KCNIP1: variants seen among roughly 807,000 people sequenced by gnomAD.
KCNIP1 encodes the protein A-type potassium channel modulatory protein KCNIP1.
In KCNIP1, 18 loss-of-function variants were observed where a neutral mutation model predicts 33.0. That is an observed-to-expected ratio of 0.55 (90% CI 0.38 to 0.81). The LOEUF is 0.81. Ranked by LOEUF, KCNIP1 falls within the 30% of genes least tolerant of loss-of-function variation. The pLI, the probability that KCNIP1 is intolerant of heterozygous loss-of-function variation, is 0.00. For synonymous variants in KCNIP1, 93 were observed against 98.3 expected, an observed-to-expected ratio of 0.95 and a Z score of 0.32; for missense variants, 238 against 271.6, an observed-to-expected ratio of 0.88 and a Z score of 0.87.
At chr5:170,396,066 C>T (rs1754754633) in intron 1 of KCNIP1, among the ~76,000 whole-genome samples, 1 of 152,210 alleles carries the variant, frequency 6.6e-6, no homozygotes, top group African/African-American at 2.4e-5. Flanking sequence ...CAATACACAT[C>T]AGGGCTTTTG....
At chr5:170,655,914 AT>A (rs1465044143) in intron 1 of KCNIP1, among the ~76,000 whole-genome samples, 7 of 152,326 alleles carry the variant, frequency 4.6e-5, no homozygotes, top group African/African-American at 1.7e-4. Context: ...AAATCTATGC[AT>A]AGGAGAAAGC....
chr5:170,414,107 T>C (rs1456715436), intron 1 of KCNIP1, among the ~76,000 whole-genome samples: 4 of 152,148 alleles, frequency 2.6e-5, no homozygotes, highest in African/African-American at 9.7e-5. Flanking sequence ...CAGAATTCTG[T>C]AAATCCAATC....
chr5:170,534,540 C>T (rs1390189626), intron 1 of KCNIP1, among the ~76,000 whole-genome samples: 1 of 151,950 alleles, frequency 6.6e-6, no homozygotes. Context: ...GGTGGCAGAG[C>T]TACAGAAGCA....
intron 5 of KCNIP1, among the ~76,000 whole-genome samples, chr5:170,731,830 G>A (rs185486238): frequency 7.2e-4 from 13 of 18,030 alleles, no homozygotes; most frequent in Non-Finnish European, 1.2e-3. Flanking sequence ...CTGAGATCCC[G>A]CCACTGCACT....
At chr5:170,556,923 C>T (rs1207982259) in intron 1 of KCNIP1, among the ~76,000 whole-genome samples, 3 of 152,234 alleles carry the variant, frequency 2.0e-5, no homozygotes, top group Admixed American at 6.5e-5. Context: ...TTAAAACTTT[C>T]CTGGGTAGGA....
chr5:170,519,800 A>G (rs1192490776), intron 1 of KCNIP1, among the ~76,000 whole-genome samples: 7 of 152,174 alleles, frequency 4.6e-5, no homozygotes, highest in Non-Finnish European at 1.0e-4. Context: ...TGTAGAGTGC[A>G]GACAGCGGCT....
At chr5:170,561,023 G>T (rs922355484) in intron 1 of KCNIP1, 1 of 446,284 alleles carries the variant, frequency 2.2e-6, no homozygotes, top group Non-Finnish European at 4.5e-6. Flanking sequence ...GAGGGCATCC[G>T]TGCCATCCAA....
At chr5:170,656,163 A>G (rs1427676068) in intron 1 of KCNIP1, among the ~76,000 whole-genome samples, 1 of 152,244 alleles carries the variant, frequency 6.6e-6, no homozygotes, top group Non-Finnish European at 1.5e-5. Context: ...CCCTGTTCTA[A>G]TAATAGGCAA....
At chr5:170,558,796 A>C (rs931927628) in intron 1 of KCNIP1, among the ~76,000 whole-genome samples, 2 of 152,230 alleles carry the variant, frequency 1.3e-5, no homozygotes, top group African/African-American at 2.4e-5. Context: ...CGTGACACAG[A>C]AATCTAATAC....
chr5:170,355,810 T>A (rs1378688599), intron 1 of KCNIP1, among the ~76,000 whole-genome samples: 1 of 152,194 alleles, frequency 6.6e-6, no homozygotes, highest in Non-Finnish European at 1.5e-5. Flanking sequence ...AGGGACTCCG[T>A]GGGGACCTGG....
At chr5:170,675,701 C>A (rs1030370975) in intron 1 of KCNIP1, among the ~76,000 whole-genome samples, 5 of 152,230 alleles carry the variant, frequency 3.3e-5, no homozygotes, top group African/African-American at 9.6e-5. Flanking sequence ...AAGGAGAAAA[C>A]TGTGCAGAGC....
intron 1 of KCNIP1, among the ~76,000 whole-genome samples, chr5:170,390,539 T>TATATATATATATATATATATATA (rs1581143220): frequency 1.6e-4 from 22 of 133,714 alleles, no homozygotes; most frequent in Non-Finnish European, 1.9e-4. Context: ...TATATATATA[T>TATATATATATATATATATATATA]TTTCAACAAA....
At chr5:170,482,915 G>C in intron 1 of KCNIP1, 1 of 341,670 alleles carries the variant, frequency 2.9e-6, no homozygotes, top group South Asian at 2.3e-5. Flanking sequence ...CACCCCTTCT[G>C]TCCTGAGAGG....
At position 170,476,641 on chromosome 5, in the gene KCNIP1, C is replaced by T. The variant is rs773268137; in HGVS notation, c.88+122677C>T. Among the ~76,000 whole-genome samples, 6 of 152,106 alleles carry T rather than the reference C, an allele frequency of 3.9e-5. No homozygotes were observed. The East Asian group carries it at 5.8e-4, about 15-fold the overall frequency. ...ACGGTCTTGGGATAGTGCTATGACC[C>T]GCTGAAATGGCTGCGGGCCTGAAAT... On this transcript the variant is annotated intron_variant, in intron 1 of 7. Coordinates refer to the KCNIP1 transcript ENST00000377360.
At chr5:170,681,435 G>A in intron 1 of KCNIP1, 1 of 298,020 alleles carries the variant, frequency 3.4e-6, no homozygotes. Flanking sequence ...GGCCCTATGA[G>A]CATGTGAGTC....
chr5:170,568,648 T>TAAAAAAAAAAAAAAAAAAAAAAAA (rs33992187), intron 1 of KCNIP1, among the ~76,000 whole-genome samples: 16 of 43,722 alleles, frequency 3.7e-4, no homozygotes, highest in African/African-American at 1.0e-3. Flanking sequence ...CCGTTTCTAC[T>TAAAAAAAAAAAAAAAAAAAAAAAA]AAAAAAAAAA....
chr5:170,664,705 G>T (rs1230455430), intron 1 of KCNIP1, among the ~76,000 whole-genome samples: 2 of 152,076 alleles, frequency 1.3e-5, no homozygotes, highest in Admixed American at 6.6e-5. Flanking sequence ...GCCCTCAAGG[G>T]GTTTTCAGTT....
intron 1 of KCNIP1, among the ~76,000 whole-genome samples, chr5:170,450,843 C>G (rs951911518): frequency 6.6e-6 from 1 of 152,132 alleles, no homozygotes; most frequent in Admixed American, 6.5e-5. Flanking sequence ...CACACCCCAT[C>G]GTGATTATCT....
intron 1 of KCNIP1, among the ~76,000 whole-genome samples, chr5:170,421,272 A>C (rs1755484025): frequency 6.6e-6 from 1 of 152,178 alleles, no homozygotes; most frequent in Admixed American, 6.5e-5. Flanking sequence ...TCTTTTTCAG[A>C]AGGCATATTT....
Sources: allele counts gnomAD v4.1 joint callset (sites outside exome capture counted in the v4.1 genomes callset), GRCh38; gene constraint gnomAD v4.1.1; transcripts MANE v1.5; gene names NCBI Gene and HGNC (gene_info 2026-07-23, HGNC 2026-07-21).